Variants in VIT observed in about 807,000 individuals in gnomAD.
VIT encodes vitrin.
VIT carries 99 observed loss-of-function variants against 78.0 expected under a neutral mutation model. The ratio of observed to expected loss-of-function variants is 1.27; its 90% CI spans 1.08 to 1.50. The LOEUF (loss-of-function observed/expected upper bound fraction) is 1.50. VIT is among the 40% of genes most tolerant of loss of function. The pLI, the probability that VIT is intolerant of heterozygous loss-of-function variation, is 0.00. For synonymous variants in VIT, 374 were observed against 334.3 expected, an observed-to-expected ratio of 1.12 and a Z score of -1.29; for missense variants, 1,126 against 875.3, an observed-to-expected ratio of 1.29 and a Z score of -3.61.
chr2:36,781,680 G>T, intron 9 of VIT, 47 bp from the exon 10 acceptor site: 1 of 1,603,802 alleles, frequency 6.2e-7, no homozygotes, highest in South Asian at 1.1e-5. Context: ...GTTTCTGCTG[G>T]TTTGGTTTAA....
chr2:36,808,324 G>T, intron 14 of VIT, 148 bp from the exon 15 acceptor site: 1 of 1,173,228 alleles, frequency 8.5e-7, no homozygotes. Flanking sequence ...GCCGCTGGGT[G>T]AACCGAGATG....
intron 12 of VIT, among the ~76,000 whole-genome samples, chr2:36,796,008 G>C (rs574918206): frequency 1.3e-5 from 2 of 151,900 alleles, no homozygotes; most frequent in East Asian, 3.9e-4. Flanking sequence ...TTGCTAGTCT[G>C]TATATGAGTC....
At chr2:36,813,036 CAA>C (rs113165454) in intron 15 of VIT, among the ~76,000 whole-genome samples, 56 of 125,094 alleles carry the variant, frequency 4.5e-4, no homozygotes, top group African/African-American at 1.4e-3. Context: ...TAATTTTTTG[CAA>C]AAAAAAAAAA....
rs1180445939 is a variant in VIT at position 36,814,489 on chromosome 2, T to A, written c.*128T>A. On this transcript the variant is annotated 3_prime_UTR_variant, in exon 16 of 16. Coordinates refer to ENST00000379242, the MANE Select transcript of VIT (RefSeq NM_053276.4). ...GGGCATGGAGAAACAAATGTCTTGT[T>A]ATTATTCTTTGCCATCATGCTTTTT... 3.9e-5 allele frequency: 45 copies of A among 1,146,186 alleles called. No individual in the cohort carries two copies. The highest frequency in any genetic ancestry group is 5.2e-5 in the Non-Finnish European group (44 of 839,862). 71.0% of individuals were successfully genotyped at this position (1,146,186 alleles called of 1,614,324 possible). A position where few individuals can be genotyped will look rare whatever the true frequency, so the allele number is the denominator to read the frequency against.
chr2:36,708,740 C>A (rs1002002796), intron 1 of VIT, among the ~76,000 whole-genome samples: 1 of 152,140 alleles, frequency 6.6e-6, no homozygotes, highest in Non-Finnish European at 1.5e-5. Context: ...AATTTGAGCC[C>A]CTCCCAGTCC....
intron 7 of VIT, 62 bp from the exon 8 acceptor site, chr2:36,773,725 AAAAT>A (rs1669891879): frequency 1.2e-5 from 17 of 1,370,012 alleles, no homozygotes; most frequent in Non-Finnish European, 1.5e-5. Flanking sequence ...CTCCGACTCA[AAAAT>A]AAATAAATTA....
Position 36,801,337 on chromosome 2 carries a change from CA to C in VIT, c.1096del (p.Thr366ArgfsTer6). On this transcript the variant is annotated frameshift_variant, in exon 13 of 16. Coordinates refer to ENST00000379242, the MANE Select transcript of VIT (RefSeq NM_053276.4). LOFTEE classifies it high-confidence loss of function. ...PATHFNLKTHTNSRDLKTAIE... is the reference protein window; with the variant it reads ...PATHFNLKTHXNSRDLKTAIE... ...CTACTCACTTTAACCTCAAGACACA[CA>C]CGAATTCTCGAGATCTGAAGACAGC... 1 of 1,614,168 alleles carries C rather than the reference CA, an allele frequency of 6.2e-7. No homozygotes were observed. The highest frequency in any genetic ancestry group is 1.1e-5 in the South Asian group (1 of 91,082).
At chr2:36,809,689 A>C (rs1369567444) in intron 15 of VIT, among the ~76,000 whole-genome samples, 2 of 152,214 alleles carry the variant, frequency 1.3e-5, no homozygotes, top group African/African-American at 4.8e-5. Context: ...TGCCAGAATT[A>C]CAGTAGTGAG....
chr2:36,698,070 C>T (rs1198384558), intron 1 of VIT, among the ~76,000 whole-genome samples: 1 of 152,066 alleles, frequency 6.6e-6, no homozygotes, highest in East Asian at 1.9e-4. Flanking sequence ...GCTGGAAGTG[C>T]CCATCTTTTA....
At chr2:36,805,376 A>G in intron 13 of VIT, 62 bp from the exon 14 acceptor site, 2 of 1,483,332 alleles carry the variant, frequency 1.3e-6, no homozygotes, top group Non-Finnish European at 1.8e-6. Flanking sequence ...TGCTGCTGTG[A>G]TCTCTTCCTG....
At chr2:36,708,486 C>CT (rs1353134933) in intron 1 of VIT, among the ~76,000 whole-genome samples, 1 of 152,096 alleles carries the variant, frequency 6.6e-6, no homozygotes, top group Non-Finnish European at 1.5e-5. Flanking sequence ...CTCTAGGGGG[C>CT]TTATTAAAAA....
chr2:36,720,033 T>C (rs1430075821), intron 2 of VIT, among the ~76,000 whole-genome samples: 2 of 152,216 alleles, frequency 1.3e-5, no homozygotes, highest in African/African-American at 4.8e-5. Context: ...ATTAATATTG[T>C]TAAAATGCCT....
chr2:36,811,877 T>C (rs1332781513), intron 15 of VIT, among the ~76,000 whole-genome samples: 1 of 152,086 alleles, frequency 6.6e-6, no homozygotes, highest in Non-Finnish European at 1.5e-5. Context: ...AGTTTCACCA[T>C]GTTGGCTAGG....
chr2:36,799,803 T>A (rs1666183436), intron 12 of VIT, among the ~76,000 whole-genome samples: 1 of 152,034 alleles, frequency 6.6e-6, no homozygotes, highest in Non-Finnish European at 1.5e-5. Flanking sequence ...ATTCCGGCAC[T>A]TTGGAAGGCC....
intron 4 of VIT, among the ~76,000 whole-genome samples, chr2:36,748,491 A>G (rs902511596): frequency 6.6e-6 from 1 of 152,144 alleles, no homozygotes; most frequent in Non-Finnish European, 1.5e-5. Context: ...CTGGTCTTCA[A>G]GCTTGGAGAT....
chr2:36,743,542 T>C (rs759054121), intron 4 of VIT, among the ~76,000 whole-genome samples: 2 of 152,220 alleles, frequency 1.3e-5, no homozygotes, highest in Non-Finnish European at 2.9e-5. Flanking sequence ...CTATACATAA[T>C]GTGTCATTTT....
intron 5 of VIT, among the ~76,000 whole-genome samples, chr2:36,756,166 C>G (rs183636141): frequency 4.3e-4 from 66 of 152,158 alleles, no homozygotes; most frequent in African/African-American, 1.5e-3. Context: ...CCGTGTTTGT[C>G]AGGCTGGTCT....
chr2:36,722,295 G>T (rs1389113861), intron 2 of VIT, among the ~76,000 whole-genome samples: 3 of 152,138 alleles, frequency 2.0e-5, no homozygotes, highest in Admixed American at 6.6e-5. Context: ...CAGCAAACTC[G>T]CATTCTGGTT....
chr2:36,718,368 A>C (rs569002087), intron 2 of VIT, among the ~76,000 whole-genome samples: 1 of 152,270 alleles, frequency 6.6e-6, no homozygotes, highest in East Asian at 1.9e-4. Flanking sequence ...TTGGACCAGG[A>C]GTCAGAAGGA....
Sources: allele counts gnomAD v4.1 joint callset (sites outside exome capture counted in the v4.1 genomes callset), GRCh38; gene constraint gnomAD v4.1.1; transcripts MANE v1.5; gene names NCBI Gene and HGNC (gene_info 2026-07-23, HGNC 2026-07-21).